The following KCNB2 variants were observed in gnomAD, a reference collection of about 807,000 sequenced individuals.
KCNB2 encodes potassium voltage-gated channel subfamily B member 2, also known as delayed rectifier potassium channel protein.
In KCNB2, 15 loss-of-function variants were observed where a neutral mutation model predicts 61.5. The ratio of observed to expected loss-of-function variants is 0.24; its 90% CI spans 0.16 to 0.38. The LOEUF is 0.38. KCNB2 is among the 10% of genes least tolerant of loss of function. The pLI, the probability that KCNB2 is intolerant of heterozygous loss-of-function variation, is 1.00. For missense variants in KCNB2, 828 were observed against 1,125.2 expected, an observed-to-expected ratio of 0.74 and a Z score of 3.78; for synonymous variants, 457 against 446.0, an observed-to-expected ratio of 1.02 and a Z score of -0.31.
intron 2 of KCNB2, among the ~76,000 whole-genome samples, chr8:72,569,013 G>A: frequency 6.6e-6 from 1 of 151,616 alleles, no homozygotes; most frequent in East Asian, 1.9e-4. Flanking sequence ...TTCCCATTGT[G>A]ACTGCATATA....
At chr8:72,800,801 G>T (rs1809113344) in intron 2 of KCNB2, among the ~76,000 whole-genome samples, 1 of 152,204 alleles carries the variant, frequency 6.6e-6, no homozygotes, top group Non-Finnish European at 1.5e-5. Flanking sequence ...GTGACACTTT[G>T]TGGAGTGACA....
chr8:72,620,779 C>T (rs1463899998), intron 2 of KCNB2, among the ~76,000 whole-genome samples: 8 of 151,774 alleles, frequency 5.3e-5, no homozygotes, highest in Non-Finnish European at 8.8e-5. Context: ...TGGCTAATTT[C>T]GTGTTTTTAG....
intron 2 of KCNB2, among the ~76,000 whole-genome samples, chr8:72,622,801 G>A (rs899182779): frequency 5.9e-5 from 9 of 151,968 alleles, no homozygotes; most frequent in Non-Finnish European, 1.0e-4. Flanking sequence ...GTTTATCTCC[G>A]ACCCCTATCT....
intron 2 of KCNB2, among the ~76,000 whole-genome samples, chr8:72,606,452 C>G (rs894078841): frequency 1.3e-5 from 2 of 152,190 alleles, no homozygotes; most frequent in African/African-American, 4.8e-5. Flanking sequence ...TAATTATTAT[C>G]TCTGCATGGC....
chr8:72,671,576 AAGG>A (rs2128988223), intron 2 of KCNB2, among the ~76,000 whole-genome samples: 1 of 152,274 alleles, frequency 6.6e-6, no homozygotes, highest in South Asian at 2.1e-4. Context: ...TTAATATATG[AAGG>A]AGAATACAGC....
chr8:72,773,200 T>C (rs146044270), intron 2 of KCNB2, among the ~76,000 whole-genome samples: 57 of 152,312 alleles, frequency 3.7e-4, no homozygotes, highest in African/African-American at 1.3e-3. Context: ...AATTATTTGA[T>C]AGATGAGAAT....
intron 2 of KCNB2, among the ~76,000 whole-genome samples, chr8:72,929,766 C>T (rs557459728): frequency 1.5e-4 from 23 of 152,196 alleles, no homozygotes; most frequent in African/African-American, 5.5e-4. Context: ...TCTTCACTTC[C>T]CTGGCCGTAT....
chr8:72,585,156 A>G (rs1806983935), intron 2 of KCNB2, among the ~76,000 whole-genome samples: 1 of 152,188 alleles, frequency 6.6e-6, no homozygotes, highest in African/African-American at 2.4e-5. Flanking sequence ...GGGAGCACTA[A>G]ATAAGGGGTT....
chr8:72,647,295 A>G (rs1264456811), intron 2 of KCNB2, among the ~76,000 whole-genome samples: 1 of 152,160 alleles, frequency 6.6e-6, no homozygotes, highest in Non-Finnish European at 1.5e-5. Flanking sequence ...ACATTTTCAT[A>G]TCCTGATGAA....
At chr8:72,712,421 A>C (rs963547123) in intron 2 of KCNB2, among the ~76,000 whole-genome samples, 7 of 152,224 alleles carry the variant, frequency 4.6e-5, no homozygotes, top group Middle Eastern at 3.2e-3. Context: ...GCCTGGTGGC[A>C]TAATTCAGAA....
intron 2 of KCNB2, among the ~76,000 whole-genome samples, chr8:72,696,983 C>T (rs899675961): frequency 3.9e-5 from 6 of 152,022 alleles, no homozygotes; most frequent in Non-Finnish European, 7.4e-5. Flanking sequence ...TCATATTATC[C>T]GTCATTCATA....
At chr8:72,701,935 T>G (rs1346258307) in intron 2 of KCNB2, among the ~76,000 whole-genome samples, 7 of 152,232 alleles carry the variant, frequency 4.6e-5, no homozygotes, top group Admixed American at 3.9e-4. Flanking sequence ...ATCATGTATG[T>G]TATCCAAAAC....
chr8:72,589,157 A>G (rs779805662), intron 2 of KCNB2, among the ~76,000 whole-genome samples: 10 of 152,178 alleles, frequency 6.6e-5, no homozygotes, highest in Non-Finnish European at 1.0e-4. Context: ...TTTATTTCTT[A>G]TAGACCAAAA....
At position 72,778,643 on chromosome 8, in the gene KCNB2, G is replaced by GAAGATC. The variant is rs1463144559; in HGVS notation, c.580-157290_580-157285dup. 2.9e-5 allele frequency among the ~76,000 whole-genome samples: 4 copies of GAAGATC among 139,552 alleles called. No homozygotes were observed. In the South Asian group the frequency reaches 7.1e-4, roughly 25 times the overall value. The allele number at this position is 139,552 out of a possible 152,430, so 91.6% of individuals were successfully genotyped here. ...CCAGCTACTAAGGAGGCTGAGACAG[G>GAAGATC]AAGATCACTTGAGCCCAGGAGGTCA... On this transcript the variant is annotated intron_variant, in intron 2 of 2. Coordinates refer to ENST00000523207, the MANE Select transcript of KCNB2 (RefSeq NM_004770.3).
intron 2 of KCNB2, among the ~76,000 whole-genome samples, chr8:72,758,050 G>T (rs1808318036): frequency 1.3e-5 from 2 of 152,196 alleles, no homozygotes; most frequent in African/African-American, 2.4e-5. Flanking sequence ...TGAAAGGAGA[G>T]CACAGGAAGT....
chr8:72,724,801 A>G (rs1807605331), intron 2 of KCNB2, among the ~76,000 whole-genome samples: 1 of 152,160 alleles, frequency 6.6e-6, no homozygotes, highest in Non-Finnish European at 1.5e-5. Context: ...TCCTGAGATA[A>G]TGTAAATGGA....
chr8:72,580,760 T>C (rs1438085474), intron 2 of KCNB2, among the ~76,000 whole-genome samples: 2 of 152,224 alleles, frequency 1.3e-5, no homozygotes, highest in African/African-American at 4.8e-5. Context: ...GATGCACTGC[T>C]ATGATCTAGA....
In KCNB2 at chr8:72,926,894, T is replaced by C. The variant is rs536882953; in HGVS notation, c.580-9041T>C. Among the ~76,000 whole-genome samples, 38 of 152,230 alleles carry C rather than the reference T, an allele frequency of 2.5e-4. 1 individual carries two copies. The highest frequency in any genetic ancestry group is 9.8e-4 in the Admixed American group (15 of 15,282). The stretch of plus-strand genomic sequence containing the variant: ...TCCTATGCATTACAGTCAGTAATCT[T>C]TGTGAAATGCAAATCTGAGCATAGC... On this transcript the variant is annotated intron_variant, in intron 2 of 2. Transcript: ENST00000523207.
intron 2 of KCNB2, among the ~76,000 whole-genome samples, chr8:72,641,793 T>C (rs1188123601): frequency 6.6e-6 from 1 of 152,118 alleles, no homozygotes; most frequent in Non-Finnish European, 1.5e-5. Flanking sequence ...CCTCATAGGC[T>C]AGTCGTGAGG....
Sources: gnomAD v4.1 joint callset for allele counts (sites outside exome capture counted in the v4.1 genomes callset) on GRCh38, gnomAD v4.1.1 for gene constraint, MANE v1.5 for transcripts, NCBI Gene and HGNC (gene_info 2026-07-23, HGNC 2026-07-21) for gene names.